The following LARGE1 variants were observed in gnomAD, a reference collection of about 807,000 sequenced individuals.
The protein encoded by LARGE1 is LARGE xylosyl- and glucuronyltransferase 1, also known as xylosyl- and glucuronyltransferase LARGE1.
LARGE1 carries 43 observed loss-of-function variants against 87.6 expected under a neutral mutation model. The observed-to-expected ratio is 0.49, with a 90% CI of 0.38 to 0.63. The LOEUF (loss-of-function observed/expected upper bound fraction) is 0.63. LARGE1 is among the 30% of genes least tolerant of loss of function. The probability of loss-of-function intolerance (pLI) is 0.00; values close to 1 mark genes in which losing one functional copy is unlikely to be tolerated. For synonymous variants in LARGE1, 434 were observed against 394.6 expected (o/e 1.10, Z -1.18); for missense variants, 802 against 1,000.2 (o/e 0.80, Z 2.67).
At chr22:33,757,408 G>A (rs478038) in intron 2 of LARGE1, among the ~76,000 whole-genome samples, 57,368 of 151,794 alleles carry the variant, frequency 0.38, 10,987 homozygotes, top group East Asian at 0.44. Context: ...TCGGCACCCT[G>A]CTAAGTGCAC....
the LARGE1 span, among the ~76,000 whole-genome samples, chr22:33,067,158 T>C: frequency 5.3e-5 from 8 of 152,090 alleles, no homozygotes; most frequent in African/African-American, 1.9e-4. Flanking sequence ...AGCAGATCAT[T>C]ACTTTCTTCA....
At chr22:33,507,390 A>G (rs1049304193) in intron 6 of LARGE1, among the ~76,000 whole-genome samples, 12 of 152,146 alleles carry the variant, frequency 7.9e-5, no homozygotes, top group Non-Finnish European at 1.5e-4. Context: ...TACATGCTAC[A>G]AAATGGATCA....
chr22:33,524,350 A>T (rs1260916974), intron 6 of LARGE1, among the ~76,000 whole-genome samples: 1 of 151,842 alleles, frequency 6.6e-6, no homozygotes, highest in African/African-American at 2.4e-5. Context: ...GGCTCCCCAC[A>T]TCTCTAACTC....
At chr22:33,105,141 G>A in the LARGE1 span, among the ~76,000 whole-genome samples, 23 of 151,506 alleles carry the variant, frequency 1.5e-4, no homozygotes, top group Admixed American at 4.6e-4. Flanking sequence ...GGGATTACAG[G>A]TGTGTGCCAC....
intron 6 of LARGE1, among the ~76,000 whole-genome samples, chr22:33,492,243 A>T (rs952790766): frequency 6.6e-6 from 1 of 152,212 alleles, no homozygotes; most frequent in Admixed American, 6.5e-5. Context: ...CCTATAGCTG[A>T]GAGGCACAAA....
chr22:33,823,092 G>A (rs1156892394), intron 1 of LARGE1, among the ~76,000 whole-genome samples: 1 of 152,166 alleles, frequency 6.6e-6, no homozygotes, highest in Non-Finnish European at 1.5e-5. Context: ...AGATATCGGG[G>A]TTGTCCATAT....
chr22:33,218,449 T>C (rs1925311335), intron 11 of LARGE1, among the ~76,000 whole-genome samples: 1 of 152,148 alleles, frequency 6.6e-6, no homozygotes, highest in Non-Finnish European at 1.5e-5. Flanking sequence ...AGTTCATAGG[T>C]CAATTCTTTG....
At chr22:33,738,580 C>T (rs2083746403) in intron 2 of LARGE1, among the ~76,000 whole-genome samples, 1 of 152,192 alleles carries the variant, frequency 6.6e-6, no homozygotes, top group Non-Finnish European at 1.5e-5. Flanking sequence ...CATGCCAGGG[C>T]CGGGCGCGGT....
Position 33,578,798 on chromosome 22 carries a change from T to C in LARGE1, c.616-13779A>G, listed in dbSNP as rs555213745. Among the ~76,000 whole-genome samples, 28 of 152,282 alleles carry C rather than the reference T, an allele frequency of 1.8e-4. No individual in the cohort carries two copies. In the Middle Eastern group the frequency reaches 0.01, roughly 55 times the overall value. On this transcript the variant is annotated intron_variant, in intron 5 of 14. Transcript: ENST00000397394. ...AATTCTTACCAACATTCTTAGAACATAGCAAAATTAATTGTACTCAGAAAT... is the reference window on the plus strand; with the variant it reads ...AATTCTTACCAACATTCTTAGAACACAGCAAAATTAATTGTACTCAGAAAT...
intron 1 of LARGE1, among the ~76,000 whole-genome samples, chr22:33,780,365 C>G (rs997897333): frequency 6.6e-6 from 1 of 152,196 alleles, no homozygotes; most frequent in African/African-American, 2.4e-5. Context: ...AAGTAAACCA[C>G]TGTGAGACAG....
chr22:33,619,348 A>G (rs1478780592), intron 4 of LARGE1, among the ~76,000 whole-genome samples: 2 of 152,132 alleles, frequency 1.3e-5, no homozygotes, highest in African/African-American at 4.8e-5. Flanking sequence ...TGAAGTCAGG[A>G]GTTCGAGACC....
At chr22:33,130,812 G>T in the LARGE1 span, among the ~76,000 whole-genome samples, 6 of 152,070 alleles carry the variant, frequency 3.9e-5, no homozygotes, top group African/African-American at 1.4e-4. Flanking sequence ...TTGGGAGGCC[G>T]AGGCAGGCAG....
At chr22:33,855,818 A>G (rs1008186495) in intron 1 of LARGE1, among the ~76,000 whole-genome samples, 2 of 152,166 alleles carry the variant, frequency 1.3e-5, no homozygotes, top group Non-Finnish European at 2.9e-5. Context: ...TAAAGCCCAT[A>G]CCTGCCCTCA....
chr22:33,712,637 A>AGT (rs34754283), intron 2 of LARGE1, among the ~76,000 whole-genome samples: 6,832 of 134,644 alleles, frequency 0.051, 180 homozygotes, highest in African/African-American at 0.068. Flanking sequence ...TGAGGGGTAC[A>AGT]GTGTGTGTGT....
chr22:33,523,765 A>G (rs151230832), intron 6 of LARGE1, among the ~76,000 whole-genome samples: 2 of 152,236 alleles, frequency 1.3e-5, no homozygotes, highest in East Asian at 3.9e-4. Context: ...CAATAGATGC[A>G]TATGAAATTG....
At chr22:33,764,981 C>T (rs980905405) in intron 1 of LARGE1, among the ~76,000 whole-genome samples, 15 of 152,170 alleles carry the variant, frequency 9.9e-5, no homozygotes, top group African/African-American at 3.6e-4. Flanking sequence ...TGTATCACAA[C>T]ATTAAAATCA....
At chr22:33,757,329 G>A (rs1344109142) in intron 2 of LARGE1, among the ~76,000 whole-genome samples, 2 of 152,120 alleles carry the variant, frequency 1.3e-5, no homozygotes, top group African/African-American at 4.8e-5. Flanking sequence ...CCCCTTAATC[G>A]GGGAAGATTC....
intron 1 of LARGE1, among the ~76,000 whole-genome samples, chr22:33,817,814 C>T (rs561853005): frequency 2.0e-5 from 3 of 152,102 alleles, no homozygotes; most frequent in Non-Finnish European, 4.4e-5. Flanking sequence ...TGCCTTACAA[C>T]TTCCCCGCTA....
At chr22:33,075,915 A>G in the LARGE1 span, among the ~76,000 whole-genome samples, 6 of 152,312 alleles carry the variant, frequency 3.9e-5, no homozygotes, top group Non-Finnish European at 8.8e-5. Context: ...CAGATTAGAC[A>G]TATCCTTAGA....
Sources: allele counts gnomAD v4.1 joint callset (sites outside exome capture counted in the v4.1 genomes callset), GRCh38; gene constraint gnomAD v4.1.1; transcripts MANE v1.5; gene names NCBI Gene and HGNC (gene_info 2026-07-23, HGNC 2026-07-21).